The following PPIL1 variants were observed in gnomAD, a reference collection of about 807,000 sequenced individuals.
The protein encoded by PPIL1 is peptidyl-prolyl cis-trans isomerase-like 1.
PPIL1 carries 14 observed loss-of-function variants against 19.4 expected under a neutral mutation model. The observed-to-expected ratio is 0.72, with a 90% CI of 0.48 to 1.13. The LOEUF (loss-of-function observed/expected upper bound fraction) is 1.13. PPIL1 is among the 50% of genes most tolerant of loss of function. The pLI, the probability that PPIL1 is intolerant of heterozygous loss-of-function variation, is 0.00. For synonymous variants in PPIL1, 72 were observed against 73.6 expected (o/e 0.98, Z 0.11); for missense variants, 192 against 218.0 (o/e 0.88, Z 0.75).
At chr6:36,874,337 C>A (rs1308690334) in intron 1 of PPIL1, among the ~76,000 whole-genome samples, 1 of 152,200 alleles carries the variant, frequency 6.6e-6, no homozygotes, top group Non-Finnish European at 1.5e-5. Flanking sequence ...ACATGTCTGT[C>A]TCTTTCATTA....
intron 3 of PPIL1, 123 bp downstream of exon 3, chr6:36,856,463 G>T: frequency 1.2e-6 from 1 of 869,468 alleles, no homozygotes; most frequent in South Asian, 1.6e-5. Flanking sequence ...ACTTCATGGC[G>T]CCATGGCTGG....
chr6:36,873,628 G>A (rs1774566959), intron 1 of PPIL1, among the ~76,000 whole-genome samples: 2 of 152,270 alleles, frequency 1.3e-5, no homozygotes, highest in Admixed American at 6.5e-5. Flanking sequence ...ATACCAACAG[G>A]AGAATTCAGA....
intron 2 of PPIL1, among the ~76,000 whole-genome samples, chr6:36,865,893 T>C (rs553486868): frequency 6.6e-6 from 1 of 152,316 alleles, no homozygotes; most frequent in Non-Finnish European, 1.5e-5. Context: ...TCTTGGCAAA[T>C]ACTCATCAAA....
chr6:36,860,077 G>A (rs1039942048), intron 2 of PPIL1, among the ~76,000 whole-genome samples: 5 of 151,896 alleles, frequency 3.3e-5, no homozygotes, highest in African/African-American at 7.3e-5. Flanking sequence ...TGCCAGGCTC[G>A]GCCTCCCAAA....
chr6:36,866,074 A>G (rs74527987), intron 2 of PPIL1, among the ~76,000 whole-genome samples: 29 of 152,344 alleles, frequency 1.9e-4, no homozygotes, highest in Non-Finnish European at 3.8e-4. Context: ...AGGAAGAGCT[A>G]AAGGAAGAAC....
At chr6:36,869,063 G>A (rs1235693901) in intron 2 of PPIL1, among the ~76,000 whole-genome samples, 1 of 151,868 alleles carries the variant, frequency 6.6e-6, no homozygotes, top group Non-Finnish European at 1.5e-5. Flanking sequence ...ATGGCTCACT[G>A]CAGTCTCAAC....
intron 2 of PPIL1, 51 bp downstream of exon 2, chr6:36,871,667 G>A (rs752609788): frequency 2.5e-5 from 38 of 1,546,306 alleles, no homozygotes; most frequent in Non-Finnish European, 3.2e-5. Context: ...AAAAAAAGAC[G>A]AAAAGGAGAA....
intron 3 of PPIL1, among the ~76,000 whole-genome samples, chr6:36,856,383 A>C (rs902571765): frequency 6.6e-6 from 1 of 152,230 alleles, no homozygotes; most frequent in Non-Finnish European, 1.5e-5. Context: ...AGAGTCTAGA[A>C]CACACCGACC....
chr6:36,856,714 A>C, intron 2 of PPIL1, 60 bp from the exon 3 acceptor site: 1 of 1,483,094 alleles, frequency 6.7e-7, no homozygotes, highest in Non-Finnish European at 9.4e-7. Context: ...TCACAGCAAG[A>C]ATGATGGCCC....
intron 2 of PPIL1, among the ~76,000 whole-genome samples, chr6:36,864,189 G>T (rs1483657071): frequency 6.6e-6 from 1 of 151,836 alleles, no homozygotes; most frequent in Non-Finnish European, 1.5e-5. Flanking sequence ...TTCTTCACAT[G>T]GTAGCCACAG....
chr6:36,859,028 A>T (rs1490912119), intron 2 of PPIL1, among the ~76,000 whole-genome samples: 2 of 152,126 alleles, frequency 1.3e-5, no homozygotes, highest in Non-Finnish European at 2.9e-5. Flanking sequence ...CTGCAACCTG[A>T]GGGCTACCAG....
intron 2 of PPIL1, among the ~76,000 whole-genome samples, chr6:36,865,469 G>A (rs1279968930): frequency 6.6e-6 from 1 of 152,194 alleles, no homozygotes; most frequent in African/African-American, 2.4e-5. Flanking sequence ...GTGGCTGGGT[G>A]ATGTCACAAG....
chr6:36,873,647 G>T (rs1179527885), intron 1 of PPIL1, among the ~76,000 whole-genome samples: 2 of 152,182 alleles, frequency 1.3e-5, no homozygotes, highest in African/African-American at 4.8e-5. Flanking sequence ...GAAATTACAG[G>T]TTGGAGCCTG....
At chr6:36,868,998 A>G (rs993473917) in intron 2 of PPIL1, among the ~76,000 whole-genome samples, 2 of 151,814 alleles carry the variant, frequency 1.3e-5, no homozygotes, top group African/African-American at 4.8e-5. Flanking sequence ...TAATTTATTT[A>G]TTTAGAGATA....
chr6:36,855,741 T>A lies in PPIL1; in HGVS notation c.*72A>T, dbSNP rs1370605611. 1 of 1,490,326 alleles carries A rather than the reference T, an allele frequency of 6.7e-7. No homozygotes were observed. Among genetic ancestry groups the A allele is most frequent in the Non-Finnish European group, 9.3e-7 (1 of 1,070,362 alleles). The allele number at this position is 1,490,326 out of a possible 1,614,324, so 92.3% of individuals were successfully genotyped here. A position where few individuals can be genotyped will look rare whatever the true frequency, so the allele number is the denominator to read the frequency against. Reference sequence around the variant, plus strand: ...AAGCCAAAATGAATTTAGCATTACATGTCATTCTATGTCATCTAGAAGCTG... The same window carrying A: ...AAGCCAAAATGAATTTAGCATTACAAGTCATTCTATGTCATCTAGAAGCTG... On this transcript the variant is annotated 3_prime_UTR_variant, in exon 4 of 4. Transcript: ENST00000373699.
At chr6:36,868,500 GAA>G (rs1237221595) in intron 2 of PPIL1, among the ~76,000 whole-genome samples, 6 of 152,116 alleles carry the variant, frequency 3.9e-5, no homozygotes, top group Non-Finnish European at 7.3e-5. Flanking sequence ...TGATGTAAAG[GAA>G]GGAGTAAATC....
At chr6:36,858,915 G>A (rs867093653) in intron 2 of PPIL1, among the ~76,000 whole-genome samples, 5 of 152,282 alleles carry the variant, frequency 3.3e-5, no homozygotes, top group South Asian at 4.1e-4. Context: ...GGGGCCAGAC[G>A]CCACAGAGGC....
At chr6:36,870,225 T>C (rs943505351) in intron 2 of PPIL1, among the ~76,000 whole-genome samples, 1 of 152,108 alleles carries the variant, frequency 6.6e-6, no homozygotes, top group Non-Finnish European at 1.5e-5. Context: ...CAAACTTGTT[T>C]AAAGGCAAAC....
At chr6:36,866,414 G>A (rs1774394776) in intron 2 of PPIL1, among the ~76,000 whole-genome samples, 2 of 152,194 alleles carry the variant, frequency 1.3e-5, no homozygotes, top group African/African-American at 4.8e-5. Flanking sequence ...AACAAAAAAC[G>A]TGTCACCTAA....
Sources: allele counts gnomAD v4.1 joint callset (sites outside exome capture counted in the v4.1 genomes callset), GRCh38; gene constraint gnomAD v4.1.1; transcripts MANE v1.5; gene names NCBI Gene and HGNC (gene_info 2026-07-23, HGNC 2026-07-21).